Variants in EML6 observed in about 807,000 individuals in gnomAD.
The protein encoded by EML6 is EMAP like 6, also known as echinoderm microtubule-associated protein-like 6.
EML6 carries 154 observed loss-of-function variants against 240.1 expected under a neutral mutation model. The observed-to-expected ratio is 0.64, with a 90% CI of 0.56 to 0.73. The LOEUF (loss-of-function observed/expected upper bound fraction) is 0.73. Among genes scored for constraint, EML6 ranks in the 30% least tolerant of loss-of-function variants. The pLI is 0.00. For synonymous variants in EML6, 1,148 were observed against 899.0 expected (o/e 1.28, Z -4.95); for missense variants, 2,964 against 2,474.6 (o/e 1.20, Z -4.20).
At chr2:54,794,050 C>T (rs1046835072) in intron 2 of EML6, among the ~76,000 whole-genome samples, 5 of 152,196 alleles carry the variant, frequency 3.3e-5, no homozygotes, top group Non-Finnish European at 7.3e-5. Flanking sequence ...AAGCATTTTC[C>T]ACTTTGCTGG....
chr2:54,959,764 A>G (rs952997473), intron 34 of EML6, among the ~76,000 whole-genome samples: 4 of 152,174 alleles, frequency 2.6e-5, no homozygotes, highest in African/African-American at 9.7e-5. Context: ...CTCCATCTCA[A>G]AATAAATTAA....
Position 54,953,971 on chromosome 2 carries a change from C to G in EML6, c.4313-12C>G, listed in dbSNP as rs954117997. 7 of 1,545,838 alleles carry G rather than the reference C, an allele frequency of 4.5e-6. No individual in the cohort carries two copies. The East Asian group carries it at 1.7e-4, about 38-fold the overall frequency. On this transcript the variant is annotated splice_polypyrimidine_tract_variant and intron_variant, in intron 31 of 41. Transcript: ENST00000356458. The stretch of plus-strand genomic sequence containing the variant: ...TCAGCCTTACTTCTTTGTCATGCCT[C>G]TCCACACTCAGGGACAACACCTTCC...
chr2:54,761,589 A>G (rs570419435), intron 2 of EML6, among the ~76,000 whole-genome samples: 142 of 152,270 alleles, frequency 9.3e-4, no homozygotes, highest in Non-Finnish European at 1.3e-3. Context: ...GTCAAAAGTG[A>G]TTCTTTCACT....
chr2:54,884,317 C>T (rs1672005227), intron 17 of EML6, among the ~76,000 whole-genome samples: 1 of 152,204 alleles, frequency 6.6e-6, no homozygotes, highest in East Asian at 1.9e-4. Flanking sequence ...CACCTCCCTC[C>T]AGGGATCTCC....
At chr2:54,945,021 C>G (rs1355596550) in intron 28 of EML6, among the ~76,000 whole-genome samples, 1 of 130,080 alleles carries the variant, frequency 7.7e-6, no homozygotes, top group Non-Finnish European at 1.7e-5. Context: ...TCCCTACCCC[C>G]CTCCTTCCCT....
chr2:54,776,877 T>C (rs1337434537), intron 2 of EML6, among the ~76,000 whole-genome samples: 1 of 152,228 alleles, frequency 6.6e-6, no homozygotes, highest in Admixed American at 6.5e-5. Context: ...TGGGATAGTT[T>C]ATGGCTTAAT....
At chr2:54,742,220 G>T (rs1219891960) in intron 2 of EML6, among the ~76,000 whole-genome samples, 1 of 152,104 alleles carries the variant, frequency 6.6e-6, no homozygotes, top group African/African-American at 2.4e-5. Flanking sequence ...TCTGGAATGC[G>T]ACCCTACCCC....
intron 28 of EML6, among the ~76,000 whole-genome samples, chr2:54,944,295 C>T (rs1035004360): frequency 6.6e-6 from 1 of 152,206 alleles, no homozygotes; most frequent in Non-Finnish European, 1.5e-5. Context: ...CTCTCTGTCT[C>T]ATTCCATGAT....
At chr2:54,914,486 T>C (rs1403800941) in intron 25 of EML6, among the ~76,000 whole-genome samples, 1 of 152,208 alleles carries the variant, frequency 6.6e-6, no homozygotes, top group Non-Finnish European at 1.5e-5. Flanking sequence ...TGAGCAATTA[T>C]TATATAAAAG....
At chr2:54,928,788 C>A in intron 28 of EML6, 37 bp downstream of exon 28, 1 of 1,550,936 alleles carries the variant, frequency 6.4e-7, no homozygotes, top group Non-Finnish European at 8.7e-7. Flanking sequence ...TTTATTATAC[C>A]TGATGACAAG....
chr2:54,937,378 C>G (rs1206590471), intron 28 of EML6, among the ~76,000 whole-genome samples: 1 of 151,376 alleles, frequency 6.6e-6, no homozygotes, highest in African/African-American at 2.4e-5. Flanking sequence ...TGAGAGCAGC[C>G]TGGACAATAT....
At chr2:54,896,278 A>G (rs530560009) in intron 21 of EML6, among the ~76,000 whole-genome samples, 3 of 152,292 alleles carry the variant, frequency 2.0e-5, no homozygotes, top group East Asian at 1.9e-4. Flanking sequence ...TAAAATGAAC[A>G]AGACAAATTA....
Position 54,891,330 on chromosome 2 carries a change from A to G in EML6, c.2539+176A>G, listed in dbSNP as rs1444305101. ...ACGCTTGAAGCTTAGAACACTCTAT[A>G]TGACGCTATGCATATTCATCAATAC... On this transcript the variant is annotated intron_variant, in intron 18 of 41. Coordinates refer to ENST00000356458, the MANE Select transcript of EML6 (RefSeq NM_001039753.4). Among the ~76,000 whole-genome samples, 8 of 152,366 alleles carry G rather than the reference A, an allele frequency of 5.3e-5. No homozygotes were observed. In the East Asian group the frequency reaches 1.5e-3, roughly 29 times the overall value.
rs980647985 is a variant in EML6, at chr2:54,891,160, G to A, written c.2539+6G>A. On this transcript the variant is annotated splice_donor_region_variant and intron_variant, in intron 18 of 41. Transcript: ENST00000356458. ...CAAATTCTGGCAACAAGCAGGTACT[G>A]TCGTTTGGGTTTATCATTTATGTGA... 1.4e-6 allele frequency: 2 copies of A among 1,405,040 alleles called. No homozygotes were observed. The highest frequency in any genetic ancestry group is 2.5e-5 in the East Asian group (1 of 39,554). The allele number at this position is 1,405,040 out of a possible 1,614,324, so 87.0% of individuals were successfully genotyped here. A position where few individuals can be genotyped will look rare whatever the true frequency, so the allele number is the denominator to read the frequency against.
chr2:54,768,881 T>G (rs1668296035), intron 2 of EML6, among the ~76,000 whole-genome samples: 1 of 152,206 alleles, frequency 6.6e-6, no homozygotes, highest in African/African-American at 2.4e-5. Flanking sequence ...ATACAAGACA[T>G]TGTAAATCCC....
chr2:54,822,877 A>C (rs1407466714), intron 5 of EML6, among the ~76,000 whole-genome samples: 1 of 152,210 alleles, frequency 6.6e-6, no homozygotes, highest in Non-Finnish European at 1.5e-5. Context: ...AGGTTCCACT[A>C]CTCAAAAGTG....
chr2:54,888,310 G>A (rs532780554), intron 17 of EML6, among the ~76,000 whole-genome samples: 1 of 152,138 alleles, frequency 6.6e-6, no homozygotes, highest in Non-Finnish European at 1.5e-5. Context: ...AAGCACTAAG[G>A]TTCCACCCAT....
At chr2:54,918,166 T>A (rs1012600269) in intron 26 of EML6, among the ~76,000 whole-genome samples, 2 of 152,190 alleles carry the variant, frequency 1.3e-5, no homozygotes, top group Non-Finnish European at 2.9e-5. Context: ...CAGTGTTCCA[T>A]CCTATCTGTA....
At chr2:54,750,412 A>C (rs1036581749) in intron 2 of EML6, among the ~76,000 whole-genome samples, 1 of 152,122 alleles carries the variant, frequency 6.6e-6, no homozygotes, top group East Asian at 1.9e-4. Flanking sequence ...CATCACCACC[A>C]CAGTTTTTTG....
Sources: allele counts gnomAD v4.1 joint callset (sites outside exome capture counted in the v4.1 genomes callset), GRCh38; gene constraint gnomAD v4.1.1; transcripts MANE v1.5; gene names NCBI Gene and HGNC (gene_info 2026-07-23, HGNC 2026-07-21).